The following ZNF124 variants were observed in gnomAD, a reference collection of about 807,000 sequenced individuals.
The protein encoded by ZNF124 is zinc finger protein HZF-16.
Under a neutral mutation model 26.6 loss-of-function variants are expected in ZNF124, and 25 were observed. The observed-to-expected ratio is 0.94, with a 90% CI of 0.68 to 1.31. The LOEUF is 1.31. ZNF124 is among the 40% of genes most tolerant of loss of function. The pLI, the probability that ZNF124 is intolerant of heterozygous loss-of-function variation, is 0.00. For missense variants in ZNF124, 444 were observed against 422.2 expected (o/e 1.05, Z -0.45); for synonymous variants, 129 against 133.3 (o/e 0.97, Z 0.22).
chr1:247,122,838 G>T (rs1672112643), exon 4 of ZNF124: 2 of 152,262 alleles, frequency 1.3e-5, no homozygotes. Flanking sequence ...GCTACAGAGA[G>T]ATGTTTCTGC....
Position 247,155,466 on chromosome 1 carries a change from C to G in ZNF124, c.*1100G>C, listed in dbSNP as rs1463028821. Among the ~76,000 whole-genome samples the G allele has an allele frequency of 6.6e-6, 1 of 151,862 alleles. No individual in the cohort carries two copies. Among genetic ancestry groups the G allele is most frequent in the East Asian group, 1.9e-4 (1 of 5,184 alleles). On this transcript the variant is annotated 3_prime_UTR_variant, in exon 4 of 4. Coordinates refer to ENST00000543802, the MANE Select transcript of ZNF124 (RefSeq NM_001297568.2). ...ATACATTTCAATTTACCCATATAAC[C>G]AACACACTTTAAAATGGGTAGAAAA...
intron 3 of ZNF124, among the ~76,000 whole-genome samples, chr1:247,146,501 AT>A (rs1672782851): frequency 6.6e-6 from 1 of 152,188 alleles, no homozygotes; most frequent in Non-Finnish European, 1.5e-5. Context: ...TGACTTTCAC[AT>A]TAGTGTAACC....
intron 1 of ZNF124, among the ~76,000 whole-genome samples, chr1:247,170,637 C>G (rs201734239): frequency 0.032 from 4,505 of 139,576 alleles, 61 homozygotes; most frequent in Middle Eastern, 0.051. Context: ...TCCAAAAACC[C>G]AGCTCCCCAA....
At chr1:247,148,721 G>GA (rs1263469899) in intron 3 of ZNF124, among the ~76,000 whole-genome samples, 1 of 152,072 alleles carries the variant, frequency 6.6e-6, no homozygotes, top group Non-Finnish European at 1.5e-5. Context: ...AGCACTTTTG[G>GA]AGGCCGAGGC....
At chr1:247,151,460 CAG>C (rs1259162458), downstream of ZNF124, among the ~76,000 whole-genome samples, 4 of 134,032 alleles carry the variant, frequency 3.0e-5, no homozygotes, top group Non-Finnish European at 6.2e-5. Context: ...GCCTGGGTGA[CAG>C]AGTGAGACTC....
rs1673078498 is a variant in ZNF124 at position 247,155,570 on chromosome 1, G to A, written c.*996C>T. ...TACTGCTTGAAGAATACTTACAGAA[G>A]TCTTGCCTCAGCTGGGCGTGGTGGC... is the stretch of plus-strand genomic sequence containing the variant. On this transcript the variant is annotated 3_prime_UTR_variant, in exon 4 of 4. Transcript: ENST00000543802. 6.6e-6 allele frequency among the ~76,000 whole-genome samples: 1 copy of A among 152,080 alleles called. No homozygotes were observed. The highest frequency in any genetic ancestry group is 2.1e-4 in the South Asian group (1 of 4,830).
downstream of ZNF124, among the ~76,000 whole-genome samples, chr1:247,150,619 AGAT>A (rs1672903774): frequency 6.6e-6 from 1 of 152,170 alleles, no homozygotes; most frequent in African/African-American, 2.4e-5. Flanking sequence ...AAATAGAGAA[AGAT>A]TTCTTAAATA....
intron 1 of ZNF124, among the ~76,000 whole-genome samples, chr1:247,169,386 A>G (rs1673965213): frequency 6.6e-6 from 1 of 152,222 alleles, no homozygotes; most frequent in Non-Finnish European, 1.5e-5. Context: ...TTTTTGTGTC[A>G]TCTTCCTGGG....
intron 3 of ZNF124, among the ~76,000 whole-genome samples, chr1:247,128,706 G>C (rs1289590904): frequency 6.7e-6 from 1 of 149,658 alleles, no homozygotes; most frequent in Non-Finnish European, 1.5e-5. Context: ...AGGGAAGAAA[G>C]AATTTCTGCC....
At chr1:247,166,110 C>A (rs1264861710) in intron 1 of ZNF124, among the ~76,000 whole-genome samples, 1 of 152,192 alleles carries the variant, frequency 6.6e-6, no homozygotes, top group Non-Finnish European at 1.5e-5. Context: ...GCCCAGGAGG[C>A]AGAGGCTGCA....
chr1:247,159,999 T>G (rs1248590334), intron 1 of ZNF124, 186 bp from the exon 2 acceptor site: 1 of 660,058 alleles, frequency 1.5e-6, no homozygotes, highest in East Asian at 4.4e-5. Context: ...TTTTTTTTTT[T>G]TTTTTGAGAC....
rs748452934 is a variant in ZNF124, at chr1:247,157,317, G to A, written c.305C>T (p.Thr102Ile). The A allele has an allele frequency of 1.5e-5, 24 of 1,584,480 alleles. No homozygotes were observed. In the East Asian group the frequency reaches 4.8e-4, roughly 32 times the overall value. The part of the protein sequence containing the change: ...KPCTCKQCQK[T>I]SLSVTRVHRD... The stretch of plus-strand genomic sequence containing the variant: ...GTGAACCCTTGTGACAGAAAGGGAA[G>A]TTTTCTGACATTGTTTACATGTACA... Residue 102 changes from threonine (T) to isoleucine (I), a missense_variant, in exon 4 of 4, where the codon ACT (threonine) becomes ATT (isoleucine). By Grantham distance (89) the Thr-to-Ile change is moderately conservative (BLOSUM62 -1). Coordinates refer to ENST00000543802, the MANE Select transcript of ZNF124 (RefSeq NM_001297568.2).
At chr1:247,151,757 A>G (rs890712521), downstream of ZNF124, among the ~76,000 whole-genome samples, 18 of 152,166 alleles carry the variant, frequency 1.2e-4, no homozygotes, top group African/African-American at 3.9e-4. Flanking sequence ...AAACACATGC[A>G]TATGTGCATC....
intron 3 of ZNF124, among the ~76,000 whole-genome samples, chr1:247,148,983 A>T (rs1347568530): frequency 1.3e-5 from 2 of 152,026 alleles, no homozygotes; most frequent in Non-Finnish European, 2.9e-5. Flanking sequence ...AAAAAGAAAA[A>T]AAAAACAAAT....
At chr1:247,150,271 A>C (rs1332221739), downstream of ZNF124, among the ~76,000 whole-genome samples, 4 of 152,258 alleles carry the variant, frequency 2.6e-5, no homozygotes, top group Non-Finnish European at 4.4e-5. Context: ...ATAAAATATG[A>C]AAATAACTTA....
intron 1 of ZNF124, among the ~76,000 whole-genome samples, chr1:247,170,316 G>A (rs1002449148): frequency 6.6e-6 from 1 of 151,192 alleles, no homozygotes; most frequent in Admixed American, 6.7e-5. Context: ...GCACAATAAA[G>A]AACAAATAAT....
At chr1:247,146,891 A>C (rs950198094) in intron 3 of ZNF124, among the ~76,000 whole-genome samples, 1 of 151,764 alleles carries the variant, frequency 6.6e-6, no homozygotes, top group African/African-American at 2.4e-5. Context: ...CTACTAGAAC[A>C]GGTACCGGGG....
chr1:247,142,813 A>G (rs1486166466), intron 3 of ZNF124, among the ~76,000 whole-genome samples: 3 of 151,284 alleles, frequency 2.0e-5, no homozygotes, highest in Non-Finnish European at 2.9e-5. Context: ...TGTATTGTAG[A>G]AGATTTTAAA....
At chr1:247,170,455 C>T (rs1352831105) in intron 1 of ZNF124, among the ~76,000 whole-genome samples, 2 of 150,346 alleles carry the variant, frequency 1.3e-5, no homozygotes, top group Admixed American at 6.7e-5. Context: ...TGAGACCCTG[C>T]TTGCCTTACA....
Sources: allele counts gnomAD v4.1 joint callset (sites outside exome capture counted in the v4.1 genomes callset), GRCh38; gene constraint gnomAD v4.1.1; transcripts MANE v1.5; gene names NCBI Gene and HGNC (gene_info 2026-07-23, HGNC 2026-07-21).